LGSN: variants seen among roughly 807,000 people sequenced by gnomAD.
LGSN encodes lengsin.
In LGSN, 21 loss-of-function variants were observed where a neutral mutation model predicts 19.5. The observed-to-expected ratio is 1.07, with a 90% CI of 0.76 to 1.55. The LOEUF is 1.55. Among genes scored for constraint, LGSN ranks in the 40% most tolerant of loss-of-function variants. The pLI is 0.00. For missense variants in LGSN, 673 were observed against 608.5 expected (o/e 1.11, Z -1.12); for synonymous variants, 257 against 215.6 (o/e 1.19, Z -1.68).
the LGSN span, among the ~76,000 whole-genome samples, chr6:63,367,739 C>T: frequency 6.8e-6 from 1 of 147,114 alleles, no homozygotes; most frequent in African/African-American, 2.7e-5. Flanking sequence ...GGCACATATA[C>T]AGCATGGAAT....
At chr6:63,496,763 A>G in the LGSN span, among the ~76,000 whole-genome samples, 1 of 151,764 alleles carries the variant, frequency 6.6e-6, no homozygotes, top group Non-Finnish European at 1.5e-5. Flanking sequence ...TACTCTTTAC[A>G]ACAACAATCC....
the LGSN span, among the ~76,000 whole-genome samples, chr6:63,487,379 C>T: frequency 1.3e-5 from 2 of 152,210 alleles, no homozygotes; most frequent in African/African-American, 4.8e-5. Flanking sequence ...GATTTATTAA[C>T]CTGGAGTGTA....
At chr6:63,543,398 T>A in the LGSN span, among the ~76,000 whole-genome samples, 1 of 152,226 alleles carries the variant, frequency 6.6e-6, no homozygotes, top group African/African-American at 2.4e-5. Context: ...CATATTGAAA[T>A]ATTTGGGTCT....
chr6:63,482,675 G>A, the LGSN span, among the ~76,000 whole-genome samples: 4 of 152,048 alleles, frequency 2.6e-5, no homozygotes, highest in East Asian at 1.9e-4. Context: ...GCAATGAGCC[G>A]AAATCACACC....
chr6:63,299,284 G>T (rs979460252), intron 1 of LGSN, among the ~76,000 whole-genome samples: 4 of 152,186 alleles, frequency 2.6e-5, no homozygotes, highest in African/African-American at 9.7e-5. Flanking sequence ...AAGGGTGTCT[G>T]CCTCTGTGCA....
chr6:63,545,684 T>C, the LGSN span, among the ~76,000 whole-genome samples: 1 of 152,084 alleles, frequency 6.6e-6, no homozygotes, highest in Non-Finnish European at 1.5e-5. Flanking sequence ...CTGGAACAAG[T>C]CATTTCTCAA....
At chr6:63,347,663 A>T in the LGSN span, among the ~76,000 whole-genome samples, 29 of 152,328 alleles carry the variant, frequency 1.9e-4, 1 homozygote, top group Non-Finnish European at 1.5e-5. Flanking sequence ...TTACAGTGAC[A>T]CATTTCATGA....
At chr6:63,433,323 A>C in the LGSN span, among the ~76,000 whole-genome samples, 1 of 152,220 alleles carries the variant, frequency 6.6e-6, no homozygotes, top group African/African-American at 2.4e-5. Flanking sequence ...GAATTAACTC[A>C]TTTATTTCTT....
At chr6:63,407,217 A>ATAC in the LGSN span, among the ~76,000 whole-genome samples, 1 of 151,982 alleles carries the variant, frequency 6.6e-6, no homozygotes, top group Non-Finnish European at 1.5e-5. Flanking sequence ...CCGGGCAGAG[A>ATAC]CACAACCAAA....
the LGSN span, among the ~76,000 whole-genome samples, chr6:63,419,860 G>A: frequency 9.6e-5 from 11 of 114,088 alleles, no homozygotes; most frequent in African/African-American, 3.2e-4. Flanking sequence ...TAGCCTGGGC[G>A]TAAGAGCGAA....
chr6:63,432,176 AAAG>A, the LGSN span, among the ~76,000 whole-genome samples: 865 of 93,220 alleles, frequency 9.3e-3, 31 homozygotes, highest in East Asian at 0.025. Flanking sequence ...AAAGAAAAGG[AAAG>A]AAAGAAAAGA....
At chr6:63,427,244 A>G in the LGSN span, among the ~76,000 whole-genome samples, 9 of 152,198 alleles carry the variant, frequency 5.9e-5, no homozygotes, top group Non-Finnish European at 1.2e-4. Flanking sequence ...GGGTTACACC[A>G]TGTTGGCCAG....
the LGSN span, among the ~76,000 whole-genome samples, chr6:63,477,676 CTTCT>C: frequency 1.7e-5 from 1 of 58,438 alleles, no homozygotes; most frequent in African/African-American, 5.8e-5. Flanking sequence ...TCTTCTTCTT[CTTCT>C]TTTTTTCTTT....
intron 3 of LGSN, 80 bp downstream of exon 3, chr6:63,285,507 A>G: frequency 8.8e-7 from 1 of 1,137,056 alleles, no homozygotes. Context: ...AGATTACAAG[A>G]AAATAAGAAA....
chr6:63,350,971 C>T, the LGSN span, among the ~76,000 whole-genome samples: 2 of 152,224 alleles, frequency 1.3e-5, no homozygotes, highest in African/African-American at 4.8e-5. Context: ...ATTTACAGTG[C>T]TATATTCTGA....
chr6:63,571,742 GTA>G, the LGSN span: 4 of 152,196 alleles, frequency 2.6e-5, no homozygotes, highest in African/African-American at 9.7e-5. Context: ...CGCGTACGTA[GTA>G]TAGAGAGGTG....
chr6:63,330,791 T>A, the LGSN span, among the ~76,000 whole-genome samples: 15 of 152,226 alleles, frequency 9.9e-5, no homozygotes, highest in Admixed American at 9.2e-4. Flanking sequence ...TGTCATTTAC[T>A]TGACTAAGCT....
rs201983182 is a variant in LGSN at position 63,280,640 on chromosome 6, A to G, written c.911T>C (p.Ile304Thr). ...CCCTGAATCACAAAATCCAGTCTCAATGAAGAAGCTGGCAATGTAATTATA... is the reference window on the plus strand; with the variant it reads ...CCCTGAATCACAAAATCCAGTCTCAGTGAAGAAGCTGGCAATGTAATTATA... The part of the protein sequence containing the change: ...RKYNYIASFF[I>T]ETGFCDSGIL... Residue 304 changes from isoleucine (I) to threonine (T), a missense_variant, in exon 4 of 4, where the codon ATT (isoleucine) becomes ACT (threonine). Coordinates refer to ENST00000370657, the MANE Select transcript of LGSN (RefSeq NM_016571.3). The G allele has an allele frequency of 2.3e-4, 377 of 1,614,096 alleles. 1 individual carries two copies. Among genetic ancestry groups the G allele is most frequent in the East Asian group, 2.1e-3 (93 of 44,882 alleles).
At chr6:63,334,982 C>CAA in the LGSN span, among the ~76,000 whole-genome samples, 1 of 141,224 alleles carries the variant, frequency 7.1e-6, no homozygotes, top group Non-Finnish European at 1.6e-5. Flanking sequence ...ACTAAAAATA[C>CAA]AAAAAAAAAA....
Sources: allele counts gnomAD v4.1 joint callset (sites outside exome capture counted in the v4.1 genomes callset), GRCh38; gene constraint gnomAD v4.1.1; transcripts MANE v1.5; gene names NCBI Gene and HGNC (gene_info 2026-07-23, HGNC 2026-07-21).